The following TMEM266 variants were observed in gnomAD, a reference collection of about 807,000 sequenced individuals.
TMEM266 encodes the protein Hv1 related protein 1.
In TMEM266, 33 loss-of-function variants were observed where a neutral mutation model predicts 50.5. The observed-to-expected ratio is 0.65, with a 90% CI of 0.50 to 0.87. The LOEUF (loss-of-function observed/expected upper bound fraction) is 0.87. Among genes scored for constraint, TMEM266 ranks in the 40% least tolerant of loss-of-function variants. The pLI, the probability that TMEM266 is intolerant of heterozygous loss-of-function variation, is 0.00. For missense variants in TMEM266, 655 were observed against 695.1 expected (o/e 0.94, Z 0.65); for synonymous variants, 310 against 292.3 (o/e 1.06, Z -0.62).
chr15:76,165,870 C>T (rs1479574067), intron 5 of TMEM266, among the ~76,000 whole-genome samples: 1 of 152,206 alleles, frequency 6.6e-6, no homozygotes, highest in Non-Finnish European at 1.5e-5. Context: ...TGCTTGTGGG[C>T]CTGTGGTCTC....
intron 8 of TMEM266, among the ~76,000 whole-genome samples, chr15:76,190,267 G>C (rs1258921715): frequency 6.6e-6 from 1 of 152,218 alleles, no homozygotes; most frequent in Non-Finnish European, 1.5e-5. Flanking sequence ...CGCATGCTTG[G>C]TATCTTTACA....
chr15:76,099,367 C>T (rs1474994254), intron 1 of TMEM266, among the ~76,000 whole-genome samples: 2 of 152,182 alleles, frequency 1.3e-5, no homozygotes, highest in Non-Finnish European at 2.9e-5. Flanking sequence ...GGTGAGGCAA[C>T]GCCCCACCCT....
intron 1 of TMEM266, among the ~76,000 whole-genome samples, chr15:76,064,452 C>T (rs1161420313): frequency 6.6e-6 from 1 of 152,050 alleles, no homozygotes; most frequent in Admixed American, 6.6e-5. Context: ...ATCATAGGCA[C>T]TTTGAGGACT....
chr15:76,161,870 C>T lies in TMEM266; in HGVS notation c.456+1702C>T, dbSNP rs2142052210. ...GCCGTGGCCAGATGTCTCCTTGATG[C>T]AAACCTTGGAAAATGTGCCATGTGT... On this transcript the variant is annotated intron_variant, in intron 5 of 10. Transcript: ENST00000388942. This position sits in a 1 kb window ranked among gnomAD's most constrained non-coding sequence, Gnocchi z 4.1. 6.6e-6 allele frequency among the ~76,000 whole-genome samples: 1 copy of T among 152,358 alleles called. No individual in the cohort carries two copies. Among genetic ancestry groups the T allele is most frequent in the East Asian group, 1.9e-4 (1 of 5,190 alleles).
chr15:76,164,436 G>A (rs2038062812), intron 5 of TMEM266, among the ~76,000 whole-genome samples: 1 of 152,120 alleles, frequency 6.6e-6, no homozygotes, highest in Non-Finnish European at 1.5e-5. Context: ...TCAAACTCCT[G>A]AGCTCAAGTG....
At chr15:76,081,162 C>T (rs1287656229) in intron 1 of TMEM266, among the ~76,000 whole-genome samples, 2 of 152,200 alleles carry the variant, frequency 1.3e-5, no homozygotes, top group African/African-American at 2.4e-5. Flanking sequence ...GCCATCTTGG[C>T]GTTCGTGTAC....
rs145931549 is a variant in TMEM266 at position 76,196,448 on chromosome 15, A to G, written c.958+4291A>G. ...GGTCCAGGGACACAGGGCATCCCCC[A>G]GCTGATCTCTCCTTGACCAGGAACT... is the stretch of plus-strand genomic sequence containing the variant. On this transcript the variant is annotated intron_variant, in intron 9 of 10. Transcript: ENST00000388942. Among the ~76,000 whole-genome samples, 983 of 152,314 alleles carry G rather than the reference A, an allele frequency of 6.5e-3. 12 individuals carry two copies. The highest frequency in any genetic ancestry group is 0.023 in the African/African-American group (943 of 41,572).
At chr15:76,120,098 A>G (rs1596116888) in intron 1 of TMEM266, among the ~76,000 whole-genome samples, 1 of 152,318 alleles carries the variant, frequency 6.6e-6, no homozygotes, top group East Asian at 1.9e-4. Flanking sequence ...TTTAAAATAC[A>G]TTCTCTTTAG....
Position 76,192,033 on chromosome 15 carries a change from AGCGGCGCTCCAG to A in TMEM266, c.837_848del (p.Ala280_Ala283del). ...ACCTGGACCTGGCTGCCGAGCGCGA[AGCGGCGCTCCAG>A]GCCCCGCACGTGCTCAGCCAGCCGC... is the stretch of plus-strand genomic sequence containing the variant. On this transcript the variant is annotated inframe_deletion, in exon 9 of 11. Transcript: ENST00000388942. 1 of 1,566,358 alleles carries A rather than the reference AGCGGCGCTCCAG, an allele frequency of 6.4e-7. No homozygotes were observed. The highest frequency in any genetic ancestry group is 1.2e-5 in the South Asian group (1 of 86,880).
In TMEM266 at chr15:76,175,466, C is replaced by G. The variant is rs1025673619; in HGVS notation, c.653-93C>G. 1.7e-5 allele frequency: 16 copies of G among 955,980 alleles called. No homozygotes were observed. In the African/African-American group the frequency reaches 1.9e-4, roughly 11 times the overall value. The allele number at this position is 955,980 out of a possible 1,614,324, so 59.2% of individuals were successfully genotyped here. On this transcript the variant is annotated intron_variant, in intron 7 of 10. Coordinates refer to ENST00000388942, the MANE Select transcript of TMEM266 (RefSeq NM_152335.3). ...GATCCACAGAAATGGCCCAGGGCCT[C>G]GAACCTGCTGCTGCCTGAATGCTGG...
chr15:76,106,318 C>T (rs1158784061), intron 1 of TMEM266, among the ~76,000 whole-genome samples: 1 of 152,138 alleles, frequency 6.6e-6, no homozygotes, highest in African/African-American at 2.4e-5. Context: ...TTAACTGCCC[C>T]CCAAACCATC....
At chr15:76,180,990 A>G (rs2038395742) in intron 8 of TMEM266, 2 of 152,170 alleles carry the variant, frequency 1.3e-5, no homozygotes, top group African/African-American at 4.8e-5. Context: ...CCTGTTGGCC[A>G]GTTTCTTGCA....
chr15:76,103,929 CA>C (rs2037041771), intron 1 of TMEM266, among the ~76,000 whole-genome samples: 1 of 146,884 alleles, frequency 6.8e-6, no homozygotes, highest in Admixed American at 6.8e-5. Context: ...AAAAAAATGC[CA>C]GGGGCAGTGG....
intron 7 of TMEM266, among the ~76,000 whole-genome samples, chr15:76,172,791 C>T (rs1205991327): frequency 6.6e-6 from 1 of 152,200 alleles, no homozygotes; most frequent in Non-Finnish European, 1.5e-5. Context: ...CACCCACCAG[C>T]GCTCTTTCGG....
At chr15:76,088,620 C>A (rs879625187) in intron 1 of TMEM266, among the ~76,000 whole-genome samples, 1 of 150,186 alleles carries the variant, frequency 6.7e-6, no homozygotes, top group Non-Finnish European at 1.5e-5. Flanking sequence ...CACAGTGAAA[C>A]CCCATCTCTA....
chr15:76,111,172 C>T (rs1169108477), intron 1 of TMEM266, among the ~76,000 whole-genome samples: 1 of 152,066 alleles, frequency 6.6e-6, no homozygotes, highest in African/African-American at 2.4e-5. Context: ...CCTTTGCCTC[C>T]TGGGTTCAAG....
intron 3 of TMEM266, among the ~76,000 whole-genome samples, chr15:76,144,332 G>T (rs115849339): frequency 6.6e-6 from 1 of 152,134 alleles, no homozygotes; most frequent in African/African-American, 2.4e-5. Context: ...AGCCTGCTGT[G>T]GTTACCTCTA....
chr15:76,186,329 T>C (rs1452832900), intron 8 of TMEM266, among the ~76,000 whole-genome samples: 1 of 152,196 alleles, frequency 6.6e-6, no homozygotes, highest in East Asian at 1.9e-4. Context: ...GTGGCCATGA[T>C]AAGCATAGGA....
Position 76,156,903 on chromosome 15 carries a change from G to A in TMEM266, c.382+145G>A, listed in dbSNP as rs998170646. The stretch of plus-strand genomic sequence containing the variant: ...CAGCCTCAGGCCCTGGGGCTCATGG[G>A]GATGGCCGCTGGGGAGGAAATACAT... On this transcript the variant is annotated intron_variant, in intron 4 of 10. Transcript: ENST00000388942. The A allele has an allele frequency of 7.4e-6, 6 of 810,814 alleles. No individual in the cohort carries two copies. In the East Asian group the frequency reaches 1.3e-4, roughly 18 times the overall value. The allele number at this position is 810,814 out of a possible 1,614,324, so 50.2% of individuals were successfully genotyped here.
Sources: gnomAD v4.1 joint callset for allele counts (sites outside exome capture counted in the v4.1 genomes callset) on GRCh38, gnomAD v4.1.1 for gene constraint, Gnocchi (gnomAD v3.1) non-coding constraint, MANE v1.5 for transcripts, NCBI Gene and HGNC (gene_info 2026-07-23, HGNC 2026-07-21) for gene names.